The following RAB26 variants were observed in gnomAD, a reference collection of about 807,000 sequenced individuals.
RAB26 encodes the protein RAB26, member RAS oncogene family, also known as ras-related protein Rab-26.
RAB26 carries 39 observed loss-of-function variants against 33.1 expected under a neutral mutation model. The ratio of observed to expected loss-of-function variants is 1.18; its 90% CI spans 0.91 to 1.54. The LOEUF is 1.54. Ranked by LOEUF, RAB26 falls within the 40% of genes most tolerant of loss-of-function variation. RAB26 has a pLI of 0.00. For synonymous variants in RAB26, 192 were observed against 151.9 expected, an observed-to-expected ratio of 1.26 and a Z score of -1.94; for missense variants, 468 against 362.9, an observed-to-expected ratio of 1.29 and a Z score of -2.35.
chr16:2,153,328 G>GCAGCGCTCCATGAAGGCTCC lies in RAB26; in HGVS notation c.684_703dup (p.Glu235AlafsTer3). The GCAGCGCTCCATGAAGGCTCC allele has an allele frequency of 6.2e-7, 1 of 1,613,512 alleles. No individual in the cohort carries two copies. Among genetic ancestry groups the GCAGCGCTCCATGAAGGCTCC allele is most frequent in the Non-Finnish European group, 8.5e-7 (1 of 1,180,000 alleles). ...CACCCCCACTCCGCAGGGAGTTGAA[G>GCAGCGCTCCATGAAGGCTCC]CAGCGCTCCATGAAGGCTCCCAGCG... On this transcript the variant is annotated frameshift_variant, in exon 9 of 9. Coordinates refer to ENST00000210187, the MANE Select transcript of RAB26 (RefSeq NM_014353.5). LOFTEE classifies it high-confidence loss of function.
intron 1 of RAB26, 47 bp downstream of exon 1, chr16:2,149,025 G>C: frequency 7.9e-7 from 1 of 1,258,518 alleles, no homozygotes; most frequent in Non-Finnish European, 1.0e-6. Flanking sequence ...GGTGGCGCCC[G>C]GCCTGAGCCA....
chr16:2,153,307 C>A lies in RAB26; in HGVS notation c.669-12C>A. The A allele has an allele frequency of 6.2e-7, 1 of 1,613,510 alleles. No individual in the cohort carries two copies. The highest frequency in any genetic ancestry group is 8.5e-7 in the Non-Finnish European group (1 of 1,179,938). On this transcript the variant is annotated splice_polypyrimidine_tract_variant and intron_variant, in intron 8 of 8. Transcript: ENST00000210187. The stretch of plus-strand genomic sequence containing the variant: ...CAGGCCATCGTGTCCCCTTGTCACC[C>A]CCACTCCGCAGGGAGTTGAAGCAGC...
chr16:2,150,219 A>T (rs1478983308), intron 2 of RAB26, among the ~76,000 whole-genome samples, 168 bp downstream of exon 2: 1 of 152,216 alleles, frequency 6.6e-6, no homozygotes, highest in Non-Finnish European at 1.5e-5. Flanking sequence ...AAGCATAGTT[A>T]GTTGCCCTAT....
Position 2,153,589 on chromosome 16 carries a change from A to C in RAB26, c.*168A>C, listed in dbSNP as rs2093014550. ...CTTCCTCCTCCCAGCAACAGTCCCA[A>C]CAAGCAGGCTTCTGAGAGCCCGTGG... On this transcript the variant is annotated 3_prime_UTR_variant, in exon 9 of 9. Transcript: ENST00000210187. 1.5e-6 allele frequency: 1 copy of C among 679,178 alleles called. No homozygotes were observed. Among genetic ancestry groups the C allele is most frequent in the Non-Finnish European group, 2.6e-6 (1 of 388,418 alleles). The allele number at this position is 679,178 out of a possible 1,614,324, so 42.1% of individuals were successfully genotyped here.
chr16:2,148,988 G>T lies in RAB26; in HGVS notation c.195+10G>T. 7.8e-7 allele frequency: 1 copy of T among 1,274,252 alleles called. No individual in the cohort carries two copies. The highest frequency in any genetic ancestry group is 9.9e-7 in the Non-Finnish European group (1 of 1,009,502). The allele number at this position is 1,274,252 out of a possible 1,614,324, so 78.9% of individuals were successfully genotyped here. On this transcript the variant is annotated intron_variant, in intron 1 of 8. Transcript: ENST00000210187. ...CGACGTCGCCTTCAAGGTGAGCCAG[G>T]CACCCGCCCCCCAGGCCAGCGCAGC...
At chr16:2,153,088 C>A (rs375479964) in intron 7 of RAB26, 43 bp downstream of exon 7, 115 of 1,612,902 alleles carry the variant, frequency 7.1e-5, no homozygotes, top group Non-Finnish European at 9.2e-5. Context: ...CCCCTGGAGG[C>A]TGCGAGCCTA....
chr16:2,149,132 A>G (rs529048089), intron 1 of RAB26, among the ~76,000 whole-genome samples, 154 bp downstream of exon 1: 1 of 152,184 alleles, frequency 6.6e-6, no homozygotes, highest in South Asian at 2.1e-4. Flanking sequence ...TGCATCGTGC[A>G]CACACAGCTG....
rs748493181 is a variant in RAB26 at position 2,151,592 on chromosome 16, TGTGAAG to T, written c.337_342del (p.Val113_Lys114del). The stretch of plus-strand genomic sequence containing the variant: ...AGAACAAAGTTCTGGACGTGGATGG[TGTGAAG>T]GTGAAGCTGCAGGTAAGGTGACTGG... On this transcript the variant is annotated inframe_deletion, in exon 3 of 9. Coordinates refer to ENST00000210187, the MANE Select transcript of RAB26 (RefSeq NM_014353.5). 1.4e-5 allele frequency: 22 copies of T among 1,613,706 alleles called. No homozygotes were observed. The highest frequency in any genetic ancestry group is 1.6e-4 in the Middle Eastern group (1 of 6,084).
Position 2,153,495 on chromosome 16 carries a change from TCTGA to T in RAB26, c.*77_*80del, listed in dbSNP as rs1720972663. Reference sequence around the variant, plus strand: ...GCTGGACAGAGGGTCTCCAGGCCCTTCTGACTTTGTTGCCCAGTGGCCAACGCCC... The same window carrying T: ...GCTGGACAGAGGGTCTCCAGGCCCTTCTTTGTTGCCCAGTGGCCAACGCCC... On this transcript the variant is annotated 3_prime_UTR_variant, in exon 9 of 9. Coordinates refer to ENST00000210187, the MANE Select transcript of RAB26 (RefSeq NM_014353.5). 11 of 1,435,310 alleles carry T rather than the reference TCTGA, an allele frequency of 7.7e-6. No individual in the cohort carries two copies. The highest frequency in any genetic ancestry group is 2.3e-5 in the East Asian group (1 of 42,702). The allele number at this position is 1,435,310 out of a possible 1,614,324, so 88.9% of individuals were successfully genotyped here.
chr16:2,149,028 C>A (rs2092995804), intron 1 of RAB26, 50 bp downstream of exon 1: 4 of 1,257,426 alleles, frequency 3.2e-6, no homozygotes. Flanking sequence ...GGCGCCCGGC[C>A]TGAGCCAAGG....
chr16:2,151,237 G>C (rs933523080), intron 2 of RAB26: 14 of 528,384 alleles, frequency 2.6e-5, no homozygotes, highest in Middle Eastern at 4.3e-4. Context: ...TTAGCAAAAA[G>C]AGCTACTGGG....
Position 2,153,676 on chromosome 16 carries a change from A to G in RAB26, c.*255A>G. On this transcript the variant is annotated 3_prime_UTR_variant, in exon 9 of 9. Coordinates refer to ENST00000210187, the MANE Select transcript of RAB26 (RefSeq NM_014353.5). ...ACGGGACGGGGAGCGGCAAGTGGAC[A>G]GACTTTGCCACGGTGCTCTGCTGCC... The G allele has an allele frequency of 1.6e-6, 1 of 641,366 alleles. No homozygotes were observed. Among genetic ancestry groups the G allele is most frequent in the South Asian group, 1.5e-5 (1 of 66,110 alleles). The allele number at this position is 641,366 out of a possible 1,614,324, so 39.7% of individuals were successfully genotyped here.
intron 5 of RAB26, 83 bp from the exon 6 acceptor site, chr16:2,152,737 A>C: frequency 9.2e-7 from 1 of 1,090,954 alleles, no homozygotes; most frequent in East Asian, 2.6e-5. Flanking sequence ...GGTGCCCTCT[A>C]CAGTGTGACC....
At chr16:2,152,457 G>A (rs558891183) in intron 5 of RAB26, among the ~76,000 whole-genome samples, 1 of 152,206 alleles carries the variant, frequency 6.6e-6, no homozygotes, top group South Asian at 2.1e-4. Flanking sequence ...GGATCACGAG[G>A]TCAGGAGTTG....
chr16:2,152,331 CT>C (rs1269990198), intron 5 of RAB26, among the ~76,000 whole-genome samples: 1 of 152,162 alleles, frequency 6.6e-6, no homozygotes, highest in Non-Finnish European at 1.5e-5. Context: ...TGAGCCAAGA[CT>C]GTGCTACGGC....
intron 1 of RAB26, 87 bp downstream of exon 1, chr16:2,149,065 G>A: frequency 8.3e-7 from 1 of 1,211,044 alleles, no homozygotes. Flanking sequence ...GGGGTGCAGG[G>A]CCCGCGGCCC....
rs1567240679 is a variant in RAB26 at position 2,153,219 on chromosome 16, C to G, written c.665C>G (p.Ala222Gly). 1.2e-6 allele frequency: 2 copies of G among 1,613,816 alleles called. No individual in the cohort carries two copies. Among genetic ancestry groups the G allele is most frequent in the South Asian group, 2.2e-5 (2 of 91,084 alleles). Residue 222 changes from alanine (A) to glycine (G), a missense_variant, in exon 8 of 9, where the codon GCA (alanine) becomes GGA (glycine). Ala to Gly is a moderately conservative substitution (Grantham distance 60). Coordinates refer to ENST00000210187, the MANE Select transcript of RAB26 (RefSeq NM_014353.5). Reference protein sequence around the residue: ...LNVDLAFTAIAKELKQRSMKA... With the variant: ...LNVDLAFTAIGKELKQRSMKA... The stretch of plus-strand genomic sequence containing the variant: ...GTGGACTTGGCCTTCACAGCCATAG[C>G]AAAGTAAGTCCTGCCAGTCACCAGG...
At chr16:2,151,440 G>A (rs1198831953) in intron 2 of RAB26, 129 bp from the exon 3 acceptor site, 8 of 1,342,294 alleles carry the variant, frequency 6.0e-6, no homozygotes, top group African/African-American at 1.4e-5. Context: ...ATTGGCTTAA[G>A]GGAAGCCTGC....
chr16:2,149,531 C>T (rs1234526570), intron 1 of RAB26, among the ~76,000 whole-genome samples: 1 of 151,930 alleles, frequency 6.6e-6, no homozygotes, highest in Non-Finnish European at 1.5e-5. Context: ...AGATCTGATC[C>T]TAATGGGGCA....
Sources: gnomAD v4.1 joint callset for allele counts (sites outside exome capture counted in the v4.1 genomes callset) on GRCh38, gnomAD v4.1.1 for gene constraint, MANE v1.5 for transcripts, NCBI Gene and HGNC (gene_info 2026-07-23, HGNC 2026-07-21) for gene names.